XYLT1: variants seen among roughly 807,000 people sequenced by gnomAD.
XYLT1 encodes the protein xylosyltransferase 1, also known as beta-D-xylosyltransferase 1.
XYLT1 carries 36 observed loss-of-function variants against 91.3 expected under a neutral mutation model. The ratio of observed to expected loss-of-function variants is 0.39; its 90% CI spans 0.30 to 0.52. The LOEUF is 0.52. XYLT1 is among the 20% of genes least tolerant of loss of function. The pLI is 0.68. For missense variants in XYLT1, 1,242 were observed against 1,284.5 expected, an observed-to-expected ratio of 0.97 and a Z score of 0.51; for synonymous variants, 588 against 532.0, an observed-to-expected ratio of 1.11 and a Z score of -1.45.
At chr16:17,464,246 T>C (rs574146974) in intron 1 of XYLT1, among the ~76,000 whole-genome samples, 1 of 152,306 alleles carries the variant, frequency 6.6e-6, no homozygotes, top group African/African-American at 2.4e-5. Flanking sequence ...CCCAGCACTT[T>C]GGGAGGCCAA....
chr16:17,261,162 G>C (rs1317391089), intron 2 of XYLT1, among the ~76,000 whole-genome samples: 1 of 149,254 alleles, frequency 6.7e-6, no homozygotes, highest in Non-Finnish European at 1.5e-5. Context: ...AGAATTGCTT[G>C]AACCTGGGAG....
At chr16:17,263,468 G>A (rs2033753967) in intron 2 of XYLT1, among the ~76,000 whole-genome samples, 1 of 151,936 alleles carries the variant, frequency 6.6e-6, no homozygotes, top group Non-Finnish European at 1.5e-5. Flanking sequence ...ACTTCTGCCT[G>A]GCCCCAGATG....
chr16:17,158,871 C>T lies in XYLT1; in HGVS notation c.1328G>A (p.Arg443Gln), dbSNP rs146405799. The T allele has an allele frequency of 1.1e-4, 183 of 1,613,960 alleles. No individual in the cohort carries two copies. Among genetic ancestry groups the T allele is most frequent in the Non-Finnish European group, 1.4e-4 (167 of 1,180,014 alleles). The change falls in exon 6 of 12, where the codon CGA becomes CAA. Residue 443 changes from arginine to glutamine, a missense_variant. By Grantham distance (43) the Arg-to-Gln change is conservative. Transcript: ENST00000261381. The part of the protein sequence containing the change: ...DQLVAFLSRY[R>Q]DMNFLKSHGR... ...GTGTGACTTCAAGAAATTCATATCT[C>T]GGTATCGGGAGAGAAACGCCACCAA... is the stretch of plus-strand genomic sequence containing the variant.
At chr16:17,308,106 G>C (rs145378397) in intron 2 of XYLT1, among the ~76,000 whole-genome samples, 43 of 152,298 alleles carry the variant, frequency 2.8e-4, no homozygotes, top group African/African-American at 9.9e-4. Flanking sequence ...CCAAAGCAGA[G>C]TGAGAGAGCT....
chr16:17,380,119 C>G (rs1292195736), intron 1 of XYLT1, among the ~76,000 whole-genome samples: 2 of 152,080 alleles, frequency 1.3e-5, no homozygotes, highest in Admixed American at 6.5e-5. Context: ...GAAACCCCAT[C>G]TCTACTAAAA....
intron 3 of XYLT1, among the ~76,000 whole-genome samples, chr16:17,207,563 A>G (rs935042372): frequency 2.0e-5 from 3 of 152,146 alleles, no homozygotes; most frequent in Non-Finnish European, 4.4e-5. Flanking sequence ...ATGAGGGGGC[A>G]AAGTTGAAGA....
intron 5 of XYLT1, among the ~76,000 whole-genome samples, chr16:17,161,087 C>T (rs968358374): frequency 2.0e-4 from 31 of 152,260 alleles, no homozygotes; most frequent in African/African-American, 6.3e-4. Context: ...TCCTGGGCCC[C>T]CTTCTCGTGA....
intron 2 of XYLT1, among the ~76,000 whole-genome samples, chr16:17,308,456 C>T (rs575775668): frequency 6.6e-6 from 1 of 152,222 alleles, no homozygotes; most frequent in South Asian, 2.1e-4. Flanking sequence ...CTCCTTAGAA[C>T]CTTTCCTCTC....
At chr16:17,369,366 G>C (rs577446177) in intron 1 of XYLT1, among the ~76,000 whole-genome samples, 1 of 152,190 alleles carries the variant, frequency 6.6e-6, no homozygotes, top group South Asian at 2.1e-4. Flanking sequence ...ATGATATTCT[G>C]ATTTGTGGCT....
chr16:17,393,598 C>G (rs993272167), intron 1 of XYLT1, among the ~76,000 whole-genome samples: 1 of 152,054 alleles, frequency 6.6e-6, no homozygotes, highest in Non-Finnish European at 1.5e-5. Context: ...GCAATACATG[C>G]TACATCTTTA....
At chr16:17,380,497 C>T (rs2035666355) in intron 1 of XYLT1, among the ~76,000 whole-genome samples, 1 of 152,144 alleles carries the variant, frequency 6.6e-6, no homozygotes, top group Admixed American at 6.5e-5. Context: ...ATCCTTTTCT[C>T]ATGGGGGAAT....
intron 7 of XYLT1, 156 bp from the exon 8 acceptor site, chr16:17,138,687 G>T (rs910680012): frequency 2.1e-5 from 16 of 777,240 alleles, no homozygotes; most frequent in Admixed American, 5.8e-5. Flanking sequence ...TTCCTGTACA[G>T]CTTGCAGAAC....
Position 17,113,561 on chromosome 16 carries a change from GCCT to G in XYLT1, c.2557+4082_2557+4084del, listed in dbSNP as rs199499248. ...CAAATAGAATCTCTCTCTCGCTCTG[GCCT>G]CCTCCTGTCCCCCTTCTCCTGCCTA... On this transcript the variant is annotated intron_variant, in intron 11 of 11. Transcript: ENST00000261381. Among the ~76,000 whole-genome samples the G allele has an allele frequency of 7.3e-3, 1,114 of 152,188 alleles. 9 individuals are homozygous for G. The highest frequency in any genetic ancestry group is 0.025 in the African/African-American group (1,039 of 41,516).
intron 3 of XYLT1, among the ~76,000 whole-genome samples, chr16:17,246,683 C>T (rs531597605): frequency 3.2e-4 from 48 of 152,292 alleles, no homozygotes; most frequent in African/African-American, 9.6e-4. Flanking sequence ...GCAAAGTGCT[C>T]GCCTCCACAC....
At chr16:17,285,887 T>TGG (rs1381514865) in intron 2 of XYLT1, among the ~76,000 whole-genome samples, 5 of 51,894 alleles carry the variant, frequency 9.6e-5, no homozygotes, top group African/African-American at 1.6e-4. Context: ...TGTGTGTGTG[T>TGG]GTGTGTGTGT....
At chr16:17,469,296 G>C (rs1028450996) in intron 1 of XYLT1, among the ~76,000 whole-genome samples, 2 of 152,212 alleles carry the variant, frequency 1.3e-5, no homozygotes, top group Admixed American at 6.5e-5. Flanking sequence ...CATCCCCCTG[G>C]TGTCTAATAT....
chr16:17,453,095 G>A (rs527516158), intron 1 of XYLT1, among the ~76,000 whole-genome samples: 2 of 152,288 alleles, frequency 1.3e-5, no homozygotes, highest in Non-Finnish European at 2.9e-5. Context: ...TTTTAAAGAC[G>A]AAAACTGAGG....
In XYLT1 at chr16:17,108,815, A is replaced by G. The variant is rs1966813769; in HGVS notation, c.2760T>C (p.Cys920=). The G allele has an allele frequency of 6.2e-7, 1 of 1,612,506 alleles. No homozygotes were observed. The highest frequency in any genetic ancestry group is 1.3e-5 in the African/African-American group (1 of 74,928). The change falls in exon 12 of 12, where the codon TGT becomes TGC. Residue 920 remains cysteine (C), a synonymous_variant. Coordinates refer to ENST00000261381, the MANE Select transcript of XYLT1 (RefSeq NM_022166.4). The part of the protein sequence containing the change: ...VGGMWTAMDI[C]ATGPTACPVM... ...CCGGGCAGGCTGTGGGGCCCGTGGC[A>G]CAGATGTCCATGGCAGTCCACATCC...
chr16:17,165,801 G>T (rs983926422), intron 5 of XYLT1, among the ~76,000 whole-genome samples: 3 of 152,126 alleles, frequency 2.0e-5, no homozygotes, highest in Non-Finnish European at 4.4e-5. Context: ...GAACACCCTT[G>T]AATAACTATC....
Sources: gnomAD v4.1 joint callset for allele counts (sites outside exome capture counted in the v4.1 genomes callset) on GRCh38, gnomAD v4.1.1 for gene constraint, MANE v1.5 for transcripts, NCBI Gene and HGNC (gene_info 2026-07-23, HGNC 2026-07-21) for gene names.